Variants in ORC6 observed in about 807,000 individuals in gnomAD.
ORC6 encodes origin recognition complex, subunit 6 homolog-like (yeast).
In ORC6, 31 loss-of-function variants were observed where a neutral mutation model predicts 30.0. The ratio of observed to expected loss-of-function variants is 1.03; its 90% CI spans 0.78 to 1.40. The LOEUF is 1.40. Among genes scored for constraint, ORC6 ranks in the 40% most tolerant of loss-of-function variants. ORC6 has a pLI of 0.00. For missense variants in ORC6, 340 were observed against 304.3 expected, an observed-to-expected ratio of 1.12 and a Z score of -0.87; for synonymous variants, 136 against 111.2, an observed-to-expected ratio of 1.22 and a Z score of -1.40.
intron 4 of ORC6, 187 bp downstream of exon 4, chr16:46,693,369 A>G: frequency 3.3e-6 from 2 of 609,942 alleles, no homozygotes; most frequent in Non-Finnish European, 5.9e-6. Flanking sequence ...ACTTGGAACT[A>G]GTGTTGCCAG....
At position 46,698,328 on chromosome 16, in the gene ORC6, G is replaced by A; in HGVS notation, c.*743G>A. 2.2e-6 allele frequency: 1 copy of A among 444,604 alleles called. No homozygotes were observed. The highest frequency in any genetic ancestry group is 4.5e-6 in the Non-Finnish European group (1 of 220,372). 27.5% of individuals were successfully genotyped at this position (444,604 alleles called of 1,614,324 possible). A position where few individuals can be genotyped will look rare whatever the true frequency, so the allele number is the denominator to read the frequency against. Reference sequence around the variant, plus strand: ...GATTTTACTTCAATTTTTGTGTACGGTATTTTTTATTTGACTAAATCAATA... The same window carrying A: ...GATTTTACTTCAATTTTTGTGTACGATATTTTTTATTTGACTAAATCAATA... On this transcript the variant is annotated 3_prime_UTR_variant, in exon 7 of 7. Transcript: ENST00000219097.
Position 46,696,012 on chromosome 16 carries a change from T to G in ORC6, c.563-5T>G. 1 of 1,609,086 alleles carries G rather than the reference T, an allele frequency of 6.2e-7. No homozygotes were observed. Among genetic ancestry groups the G allele is most frequent in the Non-Finnish European group, 8.5e-7 (1 of 1,175,386 alleles). The stretch of plus-strand genomic sequence containing the variant: ...AAAAATTAACCTTGATAACACTTCT[T>G]AAAGGAGAACCTGGAGATGTAGCTA... On this transcript the variant is annotated splice_region_variant and splice_polypyrimidine_tract_variant and intron_variant, in intron 5 of 6. Transcript: ENST00000219097.
chr16:46,693,049 A>G (rs746902804), intron 3 of ORC6, 44 bp from the exon 4 acceptor site: 2 of 1,292,094 alleles, frequency 1.5e-6, no homozygotes, highest in Non-Finnish European at 1.1e-6. Flanking sequence ...CTCTTTTCAA[A>G]TAATATTTTC....
chr16:46,691,071 T>A lies in ORC6; in HGVS notation c.146T>A (p.Val49Asp). Reference protein sequence around the residue: ...SARTTETSSAVMCLDLAASWM... With the variant: ...SARTTETSSADMCLDLAASWM... ...CGCACCACGGAGACCAGCAGTGCAGTCATGTGCCTGGACCTTGCAGCTTCC... is the reference window on the plus strand; with the variant it reads ...CGCACCACGGAGACCAGCAGTGCAGACATGTGCCTGGACCTTGCAGCTTCC... The change falls in exon 2 of 7, where the codon GTC becomes GAC. Residue 49 changes from valine (V) to aspartate (D), a missense_variant. Physicochemically the swap from Val to Asp is radical, Grantham distance 152 (BLOSUM62 -3). Coordinates refer to ENST00000219097, the MANE Select transcript of ORC6 (RefSeq NM_014321.4). 1 of 1,614,190 alleles carries A rather than the reference T, an allele frequency of 6.2e-7. No homozygotes were observed. The highest frequency in any genetic ancestry group is 8.5e-7 in the Non-Finnish European group (1 of 1,180,002).
At position 46,692,387 on chromosome 16, in the gene ORC6, T is replaced by C. The variant is rs1966456184; in HGVS notation, c.201T>C (p.Tyr67=). 1.2e-6 allele frequency: 2 copies of C among 1,613,088 alleles called. No homozygotes were observed. Among genetic ancestry groups the C allele is most frequent in the South Asian group, 1.1e-5 (1 of 91,054 alleles). The change falls in exon 3 of 7, where the codon TAT becomes TAC. Residue 67 remains tyrosine, a synonymous_variant. Transcript: ENST00000219097. Reference sequence around the variant, plus strand: ...ATGTGTTTTTCCTTTCACAGGCTTATTTAATTAAACTTTCTGGTTTGAACA... The same window carrying C: ...ATGTGTTTTTCCTTTCACAGGCTTACTTAATTAAACTTTCTGGTTTGAACA... ...SWMKCPLDRA[Y]LIKLSGLNKE... is the part of the protein sequence containing the mutation.
intron 2 of ORC6, among the ~76,000 whole-genome samples, chr16:46,691,866 AG>A (rs1168940636): frequency 1.3e-5 from 2 of 152,002 alleles, no homozygotes; most frequent in African/African-American, 4.8e-5. Flanking sequence ...TCTCCCAGAC[AG>A]AGCTGGTTTC....
intron 6 of ORC6, among the ~76,000 whole-genome samples, chr16:46,696,735 A>G (rs1021696588): frequency 7.9e-5 from 12 of 152,136 alleles, no homozygotes; most frequent in African/African-American, 2.9e-4. Flanking sequence ...GGCTCACTGC[A>G]GCCTCCGCCT....
At chr16:46,691,894 T>G (rs1464353292) in intron 2 of ORC6, among the ~76,000 whole-genome samples, 1 of 151,864 alleles carries the variant, frequency 6.6e-6, no homozygotes, top group Non-Finnish European at 1.5e-5. Flanking sequence ...TGGATCCTCC[T>G]GTTTCTTTTC....
intron 3 of ORC6, 25 bp downstream of exon 3, chr16:46,692,570 T>A: frequency 6.2e-7 from 1 of 1,603,174 alleles, no homozygotes; most frequent in Admixed American, 1.7e-5. Context: ...GAACCTTAAT[T>A]GAAAATGTAT....
In ORC6 at chr16:46,689,763, A is replaced by G. The variant is rs1388552360; in HGVS notation, c.58A>G (p.Met20Val). The G allele has an allele frequency of 1.3e-6, 2 of 1,596,928 alleles. No homozygotes were observed. The highest frequency in any genetic ancestry group is 8.5e-7 in the Non-Finnish European group (1 of 1,172,674). The change falls in exon 1 of 7, where the codon ATG (methionine) becomes GTG (valine). Residue 20 changes from methionine (M) to valine (V), a missense_variant. Physicochemically the swap from Met to Val is conservative, Grantham distance 21 (BLOSUM62 1). Transcript: ENST00000219097. ...GCGCCTGGGCCTCGCCGAGCCCGACATGCTGAGGTGAGTTCGGCCGCGCAA... is the reference window on the plus strand; with the variant it reads ...GCGCCTGGGCCTCGCCGAGCCCGACGTGCTGAGGTGAGTTCGGCCGCGCAA... ...APRLGLAEPD[M>V]LRKAEEYLRL...
chr16:46,691,538 G>A lies in ORC6; in HGVS notation c.195+418G>A, dbSNP rs538585019. ...CCTCCAGTGTCCTCATCCATAAAGT[G>A]AAGATAAAATATCCAATTTCGCTGG... On this transcript the variant is annotated intron_variant, in intron 2 of 6. Coordinates refer to ENST00000219097, the MANE Select transcript of ORC6 (RefSeq NM_014321.4). Among the ~76,000 whole-genome samples, 4 of 152,284 alleles carry A rather than the reference G, an allele frequency of 2.6e-5. No individual in the cohort carries two copies. In the South Asian group the frequency reaches 8.3e-4, roughly 32 times the overall value.
chr16:46,689,901 T>G, intron 1 of ORC6, 131 bp downstream of exon 1: 1 of 1,348,222 alleles, frequency 7.4e-7, no homozygotes, highest in South Asian at 1.5e-5. Context: ...GGGCGGGGTT[T>G]AGGGCCTACT....
At chr16:46,696,115 G>C in intron 6 of ORC6, 30 bp downstream of exon 6, 1 of 1,513,588 alleles carries the variant, frequency 6.6e-7, no homozygotes, top group Non-Finnish European at 9.2e-7. Context: ...TACTGACGTT[G>C]ACATTTTATG....
At position 46,697,829 on chromosome 16, in the gene ORC6, T is replaced by C; in HGVS notation, c.*244T>C. ...TATGTGCTTTCCTACAAAATGGAATTGGAGGCCGGGCGCAGTGGCTCACGC... is the reference window on the plus strand; with the variant it reads ...TATGTGCTTTCCTACAAAATGGAATCGGAGGCCGGGCGCAGTGGCTCACGC... On this transcript the variant is annotated 3_prime_UTR_variant, in exon 7 of 7. Coordinates refer to ENST00000219097, the MANE Select transcript of ORC6 (RefSeq NM_014321.4). The C allele has an allele frequency of 1.7e-6, 1 of 585,938 alleles. No individual in the cohort carries two copies. Among genetic ancestry groups the C allele is most frequent in the Non-Finnish European group, 3.2e-6 (1 of 314,036 alleles). 36.3% of individuals were successfully genotyped at this position (585,938 alleles called of 1,614,324 possible).
chr16:46,692,984 T>G (rs1192594401), intron 3 of ORC6, 109 bp from the exon 4 acceptor site: 2 of 779,348 alleles, frequency 2.6e-6, no homozygotes, highest in Non-Finnish European at 4.6e-6. Context: ...TCGTGTTAAG[T>G]GACAGCACAC....
chr16:46,689,685 GT>G lies in ORC6; in HGVS notation c.-19del, dbSNP rs770941433. The G allele has an allele frequency of 4.3e-5, 69 of 1,595,314 alleles. No homozygotes were observed. In the East Asian group the frequency reaches 1.5e-3, roughly 34 times the overall value. On this transcript the variant is annotated 5_prime_UTR_variant, in exon 1 of 7. Transcript: ENST00000219097. ...TTGACCCGCGGCGTTCACGGGAATT[GT>G]TCGCTTTAGTGCCGGCGCCATGGGG... is the stretch of plus-strand genomic sequence containing the variant.
intron 2 of ORC6, among the ~76,000 whole-genome samples, chr16:46,691,958 A>ACACACTCTCTCTCTCTCTCTCTCTCTCT: frequency 8.2e-5 from 3 of 36,664 alleles, no homozygotes; most frequent in Non-Finnish European, 1.0e-4. Flanking sequence ...ACACACACAC[A>ACACACTCTCTCTCTCTCTCTCTCTCTCT]CTCTCTCTCT....
At chr16:46,689,865 G>A (rs1001144196) in intron 1 of ORC6, 95 bp downstream of exon 1, 5 of 1,445,474 alleles carry the variant, frequency 3.5e-6, no homozygotes, top group East Asian at 2.6e-5. Flanking sequence ...ACGGGCGGCG[G>A]GGGAGTGACG....
In ORC6 at chr16:46,697,538, A is replaced by G. The variant is rs1437747110; in HGVS notation, c.712A>G (p.Lys238Glu). The G allele has an allele frequency of 1.2e-6, 2 of 1,614,148 alleles. No individual in the cohort carries two copies. The highest frequency in any genetic ancestry group is 4.5e-5 in the East Asian group (2 of 44,886). Residue 238 changes from lysine to glutamate, a missense_variant, in exon 7 of 7, where the codon AAA (lysine) becomes GAA (glutamate). Physicochemically the swap from Lys to Glu is moderately conservative, Grantham distance 56 (BLOSUM62 1). Transcript: ENST00000219097. ...LTQDYEEWKRKILENAASAQK... is the reference protein window; with the variant it reads ...LTQDYEEWKREILENAASAQK... ...ACAGGATTATGAAGAATGGAAAAGA[A>G]AAATTTTGGAAAATGCTGCCAGTGC...
Sources: allele counts gnomAD v4.1 joint callset (sites outside exome capture counted in the v4.1 genomes callset), GRCh38; gene constraint gnomAD v4.1.1; transcripts MANE v1.5; gene names NCBI Gene and HGNC (gene_info 2026-07-23, HGNC 2026-07-21).